The following CHSY1 variants were observed in gnomAD, a reference collection of about 807,000 sequenced individuals.
The protein encoded by CHSY1 is chondroitin sulfate synthase 1.
CHSY1 carries 13 observed loss-of-function variants against 59.8 expected under a neutral mutation model. The observed-to-expected ratio is 0.22, with a 90% confidence interval of 0.14 to 0.35. The LOEUF (loss-of-function observed/expected upper bound fraction) is 0.35, where lower values mean the gene tolerates loss of function less well. Ranked by LOEUF, CHSY1 falls within the 10% of genes least tolerant of loss-of-function variation. The probability of loss-of-function intolerance (pLI) is 1.00; values close to 1 mark genes in which losing one functional copy is unlikely to be tolerated. For synonymous variants in CHSY1, 459 were observed against 401.2 expected, an observed-to-expected ratio of 1.14 and a Z score of -1.72; for missense variants, 947 against 1,030.6, an observed-to-expected ratio of 0.92 and a Z score of 1.11.
At chr15:101,216,369 C>G (rs982885892) in intron 2 of CHSY1, among the ~76,000 whole-genome samples, 1 of 152,220 alleles carries the variant, frequency 6.6e-6, no homozygotes, top group African/African-American at 2.4e-5. Context: ...GTCTTATATA[C>G]AATCCAGCAG....
At chr15:101,210,046 CCTA>C (rs755861998) in intron 2 of CHSY1, among the ~76,000 whole-genome samples, 6 of 152,236 alleles carry the variant, frequency 3.9e-5, no homozygotes, top group Non-Finnish European at 8.8e-5. Context: ...TCTCTTCCTG[CCTA>C]CTGATTAACC....
chr15:101,223,909 A>C (rs2038814018), intron 2 of CHSY1, among the ~76,000 whole-genome samples: 1 of 152,270 alleles, frequency 6.6e-6, no homozygotes. Flanking sequence ...TGGCCCCTGT[A>C]ACGATGTCTC....
At chr15:101,228,675 G>A (rs2038864555) in intron 2 of CHSY1, among the ~76,000 whole-genome samples, 1 of 152,100 alleles carries the variant, frequency 6.6e-6, no homozygotes, top group Non-Finnish European at 1.5e-5. Context: ...GACATTCCAA[G>A]AGAAACAAAA....
chr15:101,236,749 C>T (rs1030221740), intron 1 of CHSY1, among the ~76,000 whole-genome samples: 18 of 152,074 alleles, frequency 1.2e-4, no homozygotes, highest in Non-Finnish European at 2.1e-4. Flanking sequence ...GGCATGAACC[C>T]GGAAGGCGAA....
At chr15:101,224,706 C>A (rs1315980526) in intron 2 of CHSY1, among the ~76,000 whole-genome samples, 1 of 152,190 alleles carries the variant, frequency 6.6e-6, no homozygotes, top group Non-Finnish European at 1.5e-5. Flanking sequence ...GCTAATACTT[C>A]ACGTCCACAC....
chr15:101,220,279 C>T (rs1207905545), intron 2 of CHSY1, among the ~76,000 whole-genome samples: 1 of 152,134 alleles, frequency 6.6e-6, no homozygotes, highest in East Asian at 1.9e-4. Context: ...CCACTGGAGC[C>T]TCAAGGCTCA....
At chr15:101,212,742 G>A (rs908387635) in intron 2 of CHSY1, among the ~76,000 whole-genome samples, 1 of 152,168 alleles carries the variant, frequency 6.6e-6, no homozygotes, top group African/African-American at 2.4e-5. Context: ...TGTGCATTTT[G>A]TTGAATATAA....
intron 2 of CHSY1, among the ~76,000 whole-genome samples, chr15:101,191,756 A>G (rs1376988937): frequency 1.3e-5 from 2 of 151,920 alleles, no homozygotes; most frequent in African/African-American, 4.9e-5. Context: ...ATTTTTTTTT[A>G]AAGCAACCTA....
intron 2 of CHSY1, chr15:101,188,215 T>G: frequency 1.0e-6 from 1 of 985,194 alleles, no homozygotes; most frequent in Non-Finnish European, 1.2e-6. Flanking sequence ...TCTCACCCTT[T>G]TGTCCTGAAA....
At chr15:101,241,910 C>T (rs1455049558) in intron 1 of CHSY1, among the ~76,000 whole-genome samples, 2 of 152,208 alleles carry the variant, frequency 1.3e-5, no homozygotes, top group African/African-American at 4.8e-5. Context: ...TAAAATGGTG[C>T]AGTATTTGCT....
intron 2 of CHSY1, among the ~76,000 whole-genome samples, chr15:101,234,287 C>A (rs530894959): frequency 2.0e-5 from 3 of 152,298 alleles, no homozygotes; most frequent in African/African-American, 4.8e-5. Flanking sequence ...ACAACAAATG[C>A]GAAGTCAAAT....
Position 101,185,519 on chromosome 15 carries a change from C to G in CHSY1, c.817-6539G>C, listed in dbSNP as rs372233781. 2.2e-4 allele frequency among the ~76,000 whole-genome samples: 34 copies of G among 151,234 alleles called. No individual in the cohort carries two copies. In the East Asian group the frequency reaches 3.5e-3, roughly 15 times the overall value. ...CCTCCATGGAGCACCCTCCATCCCCCTTCCCTGTGAACGCCCTCCATGGAG... is the reference window on the plus strand; with the variant it reads ...CCTCCATGGAGCACCCTCCATCCCCGTTCCCTGTGAACGCCCTCCATGGAG... On this transcript the variant is annotated intron_variant, in intron 2 of 2. Coordinates refer to ENST00000254190, the MANE Select transcript of CHSY1 (RefSeq NM_014918.5).
At position 101,176,343 on chromosome 15, in the gene CHSY1, T is replaced by C; in HGVS notation, c.*1045A>G. ...ATGAAAGGAACAAAACCAAATACATTTTTCCCCAACGTTTTGATTAGGGTG... is the reference window on the plus strand; with the variant it reads ...ATGAAAGGAACAAAACCAAATACATCTTTCCCCAACGTTTTGATTAGGGTG... On this transcript the variant is annotated 3_prime_UTR_variant, in exon 3 of 3. Transcript: ENST00000254190. The C allele has an allele frequency of 5.0e-6, 2 of 398,550 alleles. No homozygotes were observed. Among genetic ancestry groups the C allele is most frequent in the South Asian group, 2.5e-4 (2 of 7,862 alleles). 24.7% of individuals were successfully genotyped at this position (398,550 alleles called of 1,614,324 possible). A position where few individuals can be genotyped will look rare whatever the true frequency, so the allele number is the denominator to read the frequency against.
intron 2 of CHSY1, among the ~76,000 whole-genome samples, chr15:101,205,340 C>G (rs550286989): frequency 8.5e-5 from 13 of 152,194 alleles, no homozygotes; most frequent in African/African-American, 2.9e-4. Flanking sequence ...ACACATGATT[C>G]AGAGGAAAGA....
intron 1 of CHSY1, among the ~76,000 whole-genome samples, chr15:101,249,063 A>G (rs2039080587): frequency 6.7e-6 from 1 of 149,170 alleles, no homozygotes; most frequent in South Asian, 2.1e-4. Flanking sequence ...TCGGCCTCCC[A>G]AAGTGCTGGG....
intron 2 of CHSY1, among the ~76,000 whole-genome samples, chr15:101,222,257 G>A (rs995920767): frequency 6.6e-6 from 1 of 152,106 alleles, no homozygotes; most frequent in Admixed American, 6.5e-5. Context: ...GTTTCCCCTT[G>A]GCATGGAGAA....
intron 1 of CHSY1, among the ~76,000 whole-genome samples, chr15:101,237,531 G>A (rs771529339): frequency 4.6e-5 from 7 of 152,176 alleles, no homozygotes; most frequent in Non-Finnish European, 1.0e-4. Context: ...CCACATAAAG[G>A]GTTTAAGAGA....
intron 2 of CHSY1, among the ~76,000 whole-genome samples, chr15:101,200,490 T>C (rs968241864): frequency 2.6e-5 from 4 of 152,150 alleles, no homozygotes; most frequent in Admixed American, 2.6e-4. Flanking sequence ...GGGGTTACAA[T>C]TCAGGGCAAA....
At chr15:101,198,786 A>C (rs2038537059) in intron 2 of CHSY1, among the ~76,000 whole-genome samples, 1 of 152,138 alleles carries the variant, frequency 6.6e-6, no homozygotes, top group Non-Finnish European at 1.5e-5. Flanking sequence ...ACACAGTTAC[A>C]CTCACTTTTG....
Sources: gnomAD v4.1 joint callset for allele counts (sites outside exome capture counted in the v4.1 genomes callset) on GRCh38, gnomAD v4.1.1 for gene constraint, MANE v1.5 for transcripts, NCBI Gene and HGNC (gene_info 2026-07-23, HGNC 2026-07-21) for gene names.